KIRREL3: variants seen among roughly 807,000 people sequenced by gnomAD.
KIRREL3 encodes kirre like nephrin family adhesion molecule 3, also known as kin of IRRE-like protein 3.
Under a neutral mutation model 89.7 loss-of-function variants are expected in KIRREL3, and 36 were observed. That is an observed-to-expected ratio of 0.40 (90% CI 0.31 to 0.53). KIRREL3 has a LOEUF of 0.53. KIRREL3 is among the 20% of genes least tolerant of loss of function. KIRREL3 has a pLI of 0.49. For missense variants in KIRREL3, 864 were observed against 1,056.6 expected, an observed-to-expected ratio of 0.82 and a Z score of 2.53; for synonymous variants, 445 against 441.4, an observed-to-expected ratio of 1.01 and a Z score of -0.10.
At position 126,501,801 on chromosome 11, in the gene KIRREL3, C is replaced by T. The variant is rs1957875144; in HGVS notation, c.433+19514G>A. On this transcript the variant is annotated intron_variant, in intron 4 of 16. Transcript: ENST00000525144. This position sits in a 1 kb window ranked among gnomAD's most constrained non-coding sequence, Gnocchi z 5.8. ...CCCGCTTCTGTTCCTAGTTCAACCC[C>T]CACCCACATTGTGAGCTCCCTGAAG... is the stretch of plus-strand genomic sequence containing the variant. Among the ~76,000 whole-genome samples the T allele has an allele frequency of 6.6e-6, 1 of 152,178 alleles. No homozygotes were observed. Among genetic ancestry groups the T allele is most frequent in the South Asian group, 2.1e-4 (1 of 4,828 alleles).
rs1000107409 is a variant in KIRREL3 at position 126,997,282 on chromosome 11, C to T, written c.55+3173G>A. Among the ~76,000 whole-genome samples, 2 of 152,202 alleles carry T rather than the reference C, an allele frequency of 1.3e-5. No individual in the cohort carries two copies. The highest frequency in any genetic ancestry group is 2.9e-5 in the Non-Finnish European group (2 of 68,032). ...CCCAGGGGCAGAACATGTCTATTCT[C>T]AGCAGGAGGCAAATTGTGCTGTGAC... On this transcript the variant is annotated intron_variant, in intron 1 of 16. Coordinates refer to ENST00000525144, the MANE Select transcript of KIRREL3 (RefSeq NM_032531.4). The surrounding 1 kb of genome is among the most constrained non-coding windows in gnomAD (Gnocchi z 4.3).
intron 7 of KIRREL3, among the ~76,000 whole-genome samples, chr11:126,451,242 TGTGAGCA>T (rs1956118009): frequency 1.4e-5 from 2 of 144,124 alleles, no homozygotes; most frequent in African/African-American, 5.2e-5. Context: ...TGTGTACATG[TGTGAGCA>T]TGTGTGCATT....
In KIRREL3 at chr11:126,513,520, C is replaced by T. The variant is rs1354534520; in HGVS notation, c.433+7795G>A. Reference sequence around the variant, plus strand: ...TTTGCCTCCATCCCTGAGGGATCCTCTCTTCCTCCGGGCCTTGGAAGTCGT... The same window carrying T: ...TTTGCCTCCATCCCTGAGGGATCCTTTCTTCCTCCGGGCCTTGGAAGTCGT... On this transcript the variant is annotated intron_variant, in intron 4 of 16. Coordinates refer to ENST00000525144, the MANE Select transcript of KIRREL3 (RefSeq NM_032531.4). This position sits in a 1 kb window ranked among gnomAD's most constrained non-coding sequence, Gnocchi z 5.9. Among the ~76,000 whole-genome samples the T allele has an allele frequency of 6.6e-6, 1 of 152,200 alleles. No individual in the cohort carries two copies. The highest frequency in any genetic ancestry group is 1.5e-5 in the Non-Finnish European group (1 of 68,032).
intron 4 of KIRREL3, among the ~76,000 whole-genome samples, chr11:126,500,659 G>T: frequency 6.7e-6 from 1 of 149,810 alleles, no homozygotes; most frequent in South Asian, 2.1e-4. Context: ...ATAATTGCTT[G>T]AACCCAGGAG....
rs55920555 is a variant in KIRREL3, at chr11:126,998,956, T to TGTGCGC, written c.55+1498_55+1499insGCGCAC. On this transcript the variant is annotated intron_variant, in intron 1 of 16. Transcript: ENST00000525144. ...GTGTGTGTGTGTGTGTGTGTGTGTG[T>TGTGCGC]GCTCATAAGCAAGCACATACACATC... Among the ~76,000 whole-genome samples, 79 of 120,688 alleles carry TGTGCGC rather than the reference T, an allele frequency of 6.5e-4. 1 individual carries two copies. In the East Asian group the frequency reaches 0.017, roughly 26 times the overall value. 79.2% of individuals were successfully genotyped at this position (120,688 alleles called of 152,430 possible).
At position 126,521,514 on chromosome 11, in the gene KIRREL3, A is replaced by G. The variant is rs4606486; in HGVS notation, c.284-50T>C. Reference sequence around the variant, plus strand: ...GGAGCTGGGGTGGGGTGGAGGGGACACCCATGACAAAGAGGCACAGAATGG... The same window carrying G: ...GGAGCTGGGGTGGGGTGGAGGGGACGCCCATGACAAAGAGGCACAGAATGG... On this transcript the variant is annotated intron_variant, in intron 3 of 16. Coordinates refer to ENST00000525144, the MANE Select transcript of KIRREL3 (RefSeq NM_032531.4). The surrounding 1 kb of genome is among the most constrained non-coding windows in gnomAD (Gnocchi z 4.1). 330,055 of 1,513,794 alleles carry G rather than the reference A, an allele frequency of 0.22. 39,690 individuals carry two copies. The highest frequency in any genetic ancestry group is 0.44 in the African/African-American group (32,251 of 72,746). The allele number at this position is 1,513,794 out of a possible 1,614,324, so 93.8% of individuals were successfully genotyped here.
In KIRREL3 at chr11:126,830,203, A is replaced by G. The variant is rs1943560737; in HGVS notation, c.55+170252T>C. 6.6e-6 allele frequency among the ~76,000 whole-genome samples: 1 copy of G among 152,162 alleles called. No homozygotes were observed. Among genetic ancestry groups the G allele is most frequent in the Admixed American group, 6.5e-5 (1 of 15,274 alleles). On this transcript the variant is annotated intron_variant, in intron 1 of 16. Transcript: ENST00000525144. The surrounding 1 kb of genome is among the most constrained non-coding windows in gnomAD (Gnocchi z 4.9). ...TTGCTAATCACTCTGGTCAATATTTATCATAGGTACATTTTACAAGATGAA... is the reference window on the plus strand; with the variant it reads ...TTGCTAATCACTCTGGTCAATATTTGTCATAGGTACATTTTACAAGATGAA...
At position 126,768,002 on chromosome 11, in the gene KIRREL3, C is replaced by T. The variant is rs941954903; in HGVS notation, c.56-205090G>A. Among the ~76,000 whole-genome samples the T allele has an allele frequency of 3.3e-5, 5 of 152,222 alleles. No individual in the cohort carries two copies. The highest frequency in any genetic ancestry group is 1.2e-4 in the African/African-American group (5 of 41,456). ...GGTGAAGTCCAAATAATCTTCATGA[C>T]ATCCAAAGCCCTGTGTTCTGCTTCT... On this transcript the variant is annotated intron_variant, in intron 1 of 16. Coordinates refer to ENST00000525144, the MANE Select transcript of KIRREL3 (RefSeq NM_032531.4). This position sits in a 1 kb window ranked among gnomAD's most constrained non-coding sequence, Gnocchi z 4.5.
At position 126,922,009 on chromosome 11, in the gene KIRREL3, T is replaced by TC. The variant is rs1160230644; in HGVS notation, c.55+78445dup. On this transcript the variant is annotated intron_variant, in intron 1 of 16. Transcript: ENST00000525144. The stretch of plus-strand genomic sequence containing the variant: ...TATCTATCTATCTATCTATCTATCA[T>TC]CTATCTTCCTATCTATCTTCCTATC... Among the ~76,000 whole-genome samples the TC allele has an allele frequency of 9.6e-5, 13 of 135,280 alleles. No homozygotes were observed. In the East Asian group the frequency reaches 2.6e-3, roughly 27 times the overall value. The allele number at this position is 135,280 out of a possible 152,430, so 88.7% of individuals were successfully genotyped here. A position where few individuals can be genotyped will look rare whatever the true frequency, so the allele number is the denominator to read the frequency against.
chr11:126,480,932 A>C (rs1957200891), intron 4 of KIRREL3, among the ~76,000 whole-genome samples: 1 of 152,170 alleles, frequency 6.6e-6, no homozygotes, highest in South Asian at 2.1e-4. Flanking sequence ...TAATGGCCAC[A>C]ATGGAGAACT....
At chr11:126,988,736 C>T (rs1207425400) in intron 1 of KIRREL3, among the ~76,000 whole-genome samples, 1 of 152,166 alleles carries the variant, frequency 6.6e-6, no homozygotes, top group East Asian at 1.9e-4. Flanking sequence ...AGGATCCCTA[C>T]TTTATTAGAT....
rs1428857465 is a variant in KIRREL3, at chr11:126,569,926, G to GC, written c.56-7015dup. Among the ~76,000 whole-genome samples, 8 of 152,186 alleles carry GC rather than the reference G, an allele frequency of 5.3e-5. No individual in the cohort carries two copies. The highest frequency in any genetic ancestry group is 1.9e-4 in the African/African-American group (8 of 41,510). On this transcript the variant is annotated intron_variant, in intron 1 of 16. Transcript: ENST00000525144. This position sits in a 1 kb window ranked among gnomAD's most constrained non-coding sequence, Gnocchi z 6.5. ...TTTGGAAAGTTTTCACTTTGATTCT[G>GC]CTAAACTGCTTTCTGCATCGGTTCT... is the stretch of plus-strand genomic sequence containing the variant.
rs559746957 is a variant in KIRREL3, at chr11:126,808,748, A to G, written c.55+191707T>C. Reference sequence around the variant, plus strand: ...CTTTCCAATTTCCACATGCATATATAGAATGAATTGTTGAGACGGAGAATA... The same window carrying G: ...CTTTCCAATTTCCACATGCATATATGGAATGAATTGTTGAGACGGAGAATA... On this transcript the variant is annotated intron_variant, in intron 1 of 16. Coordinates refer to ENST00000525144, the MANE Select transcript of KIRREL3 (RefSeq NM_032531.4). This position sits in a 1 kb window ranked among gnomAD's most constrained non-coding sequence, Gnocchi z 4.1. 6.6e-6 allele frequency among the ~76,000 whole-genome samples: 1 copy of G among 152,332 alleles called. No homozygotes were observed. Among genetic ancestry groups the G allele is most frequent in the South Asian group, 2.1e-4 (1 of 4,820 alleles).
At position 126,445,003 on chromosome 11, in the gene KIRREL3, T is replaced by G. The variant is rs1211715533; in HGVS notation, c.1228A>C (p.Arg410=). 1 of 1,613,608 alleles carries G rather than the reference T, an allele frequency of 6.2e-7. No homozygotes were observed. The highest frequency in any genetic ancestry group is 8.5e-7 in the Non-Finnish European group (1 of 1,179,756). Residue 410 remains arginine (R), a synonymous_variant, in exon 10 of 17, where the codon AGA becomes CGA. Coordinates refer to ENST00000525144, the MANE Select transcript of KIRREL3 (RefSeq NM_032531.4). ...CCATTGACGGTCAGGGTCACCTCTC[T>G]CTCCCCGGCTCCCACACGGGGCACC... ...AVVPRVGAGE[R]EVTLTVNGPP...
intron 4 of KIRREL3, among the ~76,000 whole-genome samples, chr11:126,507,422 C>T (rs1301829863): frequency 6.6e-6 from 1 of 152,176 alleles, no homozygotes; most frequent in African/African-American, 2.4e-5. Context: ...CTATTCCAAC[C>T]TCTCAACACC....
Position 126,977,388 on chromosome 11 carries a change from C to A in KIRREL3, c.55+23067G>T, listed in dbSNP as rs2135236132. ...CTTGAGCCACCTTTCTTTTTCATCA[C>A]CCAGCTTTTCATATTGTTTATTTTC... is the stretch of plus-strand genomic sequence containing the variant. On this transcript the variant is annotated intron_variant, in intron 1 of 16. Coordinates refer to ENST00000525144, the MANE Select transcript of KIRREL3 (RefSeq NM_032531.4). This position sits in a 1 kb window ranked among gnomAD's most constrained non-coding sequence, Gnocchi z 4.7. Among the ~76,000 whole-genome samples the A allele has an allele frequency of 1.3e-5, 2 of 152,300 alleles. No individual in the cohort carries two copies. Among genetic ancestry groups the A allele is most frequent in the South Asian group, 4.2e-4 (2 of 4,810 alleles).
intron 2 of KIRREL3, among the ~76,000 whole-genome samples, chr11:126,543,571 T>C (rs889322979): frequency 1.3e-5 from 2 of 152,064 alleles, no homozygotes; most frequent in African/African-American, 4.8e-5. Context: ...TCTGTGTGGT[T>C]TCCTCTTCAG....
chr11:126,599,133 TA>T (rs1244656090), intron 1 of KIRREL3, among the ~76,000 whole-genome samples: 3 of 152,204 alleles, frequency 2.0e-5, no homozygotes, highest in Admixed American at 6.5e-5. Context: ...TTCAAGCTGC[TA>T]AAAGAGAAGC....
intron 1 of KIRREL3, among the ~76,000 whole-genome samples, chr11:126,731,592 G>C (rs1948619370): frequency 6.6e-6 from 1 of 152,200 alleles, no homozygotes; most frequent in Non-Finnish European, 1.5e-5. Context: ...ATGCACACAG[G>C]AAGAAAGCTT....
Sources: gnomAD v4.1 joint callset for allele counts (sites outside exome capture counted in the v4.1 genomes callset) on GRCh38, gnomAD v4.1.1 for gene constraint, Gnocchi (gnomAD v3.1) non-coding constraint, MANE v1.5 for transcripts, NCBI Gene and HGNC (gene_info 2026-07-23, HGNC 2026-07-21) for gene names.